Variants in ESRRG observed in about 807,000 individuals in gnomAD.
ESRRG encodes the protein estrogen-related receptor gamma.
Under a neutral mutation model 44.0 loss-of-function variants are expected in ESRRG, and 13 were observed. The observed-to-expected ratio is 0.30, with a 90% confidence interval of 0.19 to 0.47. The LOEUF is 0.47. ESRRG is among the 20% of genes least tolerant of loss of function. ESRRG has a pLI of 1.00. For missense variants in ESRRG, 395 were observed against 580.6 expected (o/e 0.68, Z 3.29); for synonymous variants, 215 against 214.6 (o/e 1.00, Z -0.02).
intron 2 of ESRRG, among the ~76,000 whole-genome samples, chr1:216,858,662 C>A (rs1280523634): frequency 6.6e-6 from 1 of 152,100 alleles, no homozygotes; most frequent in African/African-American, 2.4e-5. Flanking sequence ...ACTCTCTTGG[C>A]AGGGATGATC....
chr1:216,506,432 G>C lies in ESRRG; in HGVS notation c.*507C>G. ...CAGCAGAAGGAAGAAAAAGAAAGAT[G>C]GAAAGAAGGTCAAGAGGAAAGGAAA... On this transcript the variant is annotated 3_prime_UTR_variant, in exon 7 of 7. Coordinates refer to ENST00000408911, the MANE Select transcript of ESRRG (RefSeq NM_001438.4). The C allele has an allele frequency of 3.2e-6, 1 of 310,910 alleles. No individual in the cohort carries two copies. The allele number at this position is 310,910 out of a possible 1,614,324, so 19.3% of individuals were successfully genotyped here.
At chr1:216,911,061 T>A (rs1346190833) in intron 2 of ESRRG, among the ~76,000 whole-genome samples, 3 of 152,212 alleles carry the variant, frequency 2.0e-5, no homozygotes, top group Non-Finnish European at 2.9e-5. Flanking sequence ...ATATACATCA[T>A]CTTATCTTGT....
intron 1 of ESRRG, among the ~76,000 whole-genome samples, chr1:217,119,431 G>C (rs2092789015): frequency 6.6e-6 from 1 of 152,144 alleles, no homozygotes; most frequent in Non-Finnish European, 1.5e-5. Flanking sequence ...ATGTAAATCT[G>C]AATCCCTCTC....
intron 1 of ESRRG, among the ~76,000 whole-genome samples, chr1:217,108,375 T>A (rs535691200): frequency 1.3e-5 from 2 of 152,348 alleles, no homozygotes; most frequent in South Asian, 4.1e-4. Context: ...CTTTGCTGCA[T>A]ACTTGTGGGT....
chr1:216,994,009 T>C (rs1017177612), intron 1 of ESRRG, among the ~76,000 whole-genome samples: 1 of 152,212 alleles, frequency 6.6e-6, no homozygotes, highest in Non-Finnish European at 1.5e-5. Flanking sequence ...AAATGAATCA[T>C]CTCTTTCATT....
chr1:217,112,302 T>G (rs755062210), intron 1 of ESRRG, among the ~76,000 whole-genome samples: 53 of 152,184 alleles, frequency 3.5e-4, no homozygotes, highest in Non-Finnish European at 6.5e-4. Context: ...CATAAAAATC[T>G]ACAACAATGG....
At chr1:216,798,879 G>A (rs758762109) in intron 2 of ESRRG, among the ~76,000 whole-genome samples, 2 of 152,078 alleles carry the variant, frequency 1.3e-5, no homozygotes, top group Non-Finnish European at 2.9e-5. Flanking sequence ...TTAAACCACT[G>A]CTTGACTCAT....
At chr1:216,542,928 C>A (rs903559104) in intron 5 of ESRRG, among the ~76,000 whole-genome samples, 1 of 151,896 alleles carries the variant, frequency 6.6e-6, no homozygotes, top group Non-Finnish European at 1.5e-5. Flanking sequence ...TCTCCCCCTT[C>A]CCCCCAAGCA....
intron 1 of ESRRG, among the ~76,000 whole-genome samples, chr1:217,082,814 G>T (rs1301236565): frequency 6.6e-6 from 1 of 152,066 alleles, no homozygotes; most frequent in Non-Finnish European, 1.5e-5. Flanking sequence ...GGTGTTAAAA[G>T]CCATATCTTA....
At chr1:216,687,427 C>A (rs2078218689) in intron 1 of ESRRG, among the ~76,000 whole-genome samples, 2 of 152,168 alleles carry the variant, frequency 1.3e-5, no homozygotes, top group Non-Finnish European at 2.9e-5. Flanking sequence ...TTCATTTCTA[C>A]CAACTGTTAG....
chr1:216,609,727 A>T (rs865853505), intron 3 of ESRRG, among the ~76,000 whole-genome samples: 3 of 152,244 alleles, frequency 2.0e-5, no homozygotes, highest in Non-Finnish European at 4.4e-5. Context: ...GCCATGAAAA[A>T]GACAGGAGAC....
chr1:216,779,241 A>G (rs1299502650), intron 2 of ESRRG, among the ~76,000 whole-genome samples: 1 of 67,408 alleles, frequency 1.5e-5, no homozygotes, highest in East Asian at 4.0e-4. Flanking sequence ...ATATAAATAT[A>G]TATTTATATT....
intron 2 of ESRRG, among the ~76,000 whole-genome samples, chr1:216,750,258 G>A (rs2091879614): frequency 6.6e-6 from 1 of 152,104 alleles, no homozygotes; most frequent in African/African-American, 2.4e-5. Flanking sequence ...GCCTCGGAGA[G>A]AACAAAATCA....
At chr1:216,833,792 G>T (rs1214506286) in intron 2 of ESRRG, among the ~76,000 whole-genome samples, 2 of 152,156 alleles carry the variant, frequency 1.3e-5, no homozygotes, top group Non-Finnish European at 2.9e-5. Context: ...AAATCTGCCA[G>T]CATTGTGCTA....
intron 3 of ESRRG, among the ~76,000 whole-genome samples, chr1:216,644,346 G>A (rs535728037): frequency 6.6e-6 from 1 of 151,716 alleles, no homozygotes; most frequent in South Asian, 2.1e-4. Context: ...GTATTTTCTA[G>A]ACTTCTACAA....
At chr1:217,074,665 C>T (rs1040243539) in intron 1 of ESRRG, among the ~76,000 whole-genome samples, 1 of 152,000 alleles carries the variant, frequency 6.6e-6, no homozygotes, top group Admixed American at 6.6e-5. Flanking sequence ...AAGCAAGACG[C>T]CATGTCTACA....
At chr1:216,937,643 G>A (rs2064375050) in intron 2 of ESRRG, among the ~76,000 whole-genome samples, 1 of 152,122 alleles carries the variant, frequency 6.6e-6, no homozygotes, top group African/African-American at 2.4e-5. Flanking sequence ...TGGAGGGGAG[G>A]AAGGGGGGAA....
At chr1:216,754,150 C>CA (rs1195088288) in intron 2 of ESRRG, among the ~76,000 whole-genome samples, 1 of 151,900 alleles carries the variant, frequency 6.6e-6, no homozygotes, top group Non-Finnish European at 1.5e-5. Context: ...GGAGGAAAAA[C>CA]AAAAACCCGA....
chr1:217,062,401 C>T (rs1378504601), intron 1 of ESRRG, among the ~76,000 whole-genome samples: 1 of 152,138 alleles, frequency 6.6e-6, no homozygotes, highest in African/African-American at 2.4e-5. Context: ...CAGCAGGACA[C>T]ATTTTGGTGT....
Sources: allele counts gnomAD v4.1 joint callset (sites outside exome capture counted in the v4.1 genomes callset), GRCh38; gene constraint gnomAD v4.1.1; transcripts MANE v1.5; gene names NCBI Gene and HGNC (gene_info 2026-07-23, HGNC 2026-07-21).